The following TET1 variants were observed in gnomAD, a reference collection of about 807,000 sequenced individuals.
TET1 encodes methylcytosine dioxygenase TET1.
In TET1, 13 loss-of-function variants were observed where a neutral mutation model predicts 148.7. That is an observed-to-expected ratio of 0.09 (90% CI 0.06 to 0.14). The LOEUF (loss-of-function observed/expected upper bound fraction) is 0.14. TET1 is among the 10% of genes least tolerant of loss of function. The pLI, the probability that TET1 is intolerant of heterozygous loss-of-function variation, is 1.00. For synonymous variants in TET1, 907 were observed against 937.2 expected (o/e 0.97, Z 0.59); for missense variants, 2,182 against 2,553.8 (o/e 0.85, Z 3.14).
At position 68,694,285 on chromosome 10, in the gene TET1, C is replaced by T. The variant is rs996559421; in HGVS notation, c.*2471C>T. On this transcript the variant is annotated 3_prime_UTR_variant, in exon 12 of 12. Transcript: ENST00000373644. ...TAAGCTGATTACCCCACTGTGGGAA[C>T]CAAATTGGATTCCTACTTTGTTGGA... The T allele has an allele frequency of 8.6e-6, 2 of 232,674 alleles. No homozygotes were observed. Among genetic ancestry groups the T allele is most frequent in the South Asian group, 1.8e-4 (1 of 5,522 alleles). The allele number at this position is 232,674 out of a possible 1,614,324, so 14.4% of individuals were successfully genotyped here.
chr10:68,643,405 T>C (rs183485735), intron 3 of TET1, among the ~76,000 whole-genome samples: 131 of 152,276 alleles, frequency 8.6e-4, no homozygotes, highest in African/African-American at 3.0e-3. Flanking sequence ...GAACTTACTA[T>C]ACAGTGAGAA....
At chr10:68,652,802 C>A (rs1056761648) in intron 6 of TET1, among the ~76,000 whole-genome samples, 1 of 151,594 alleles carries the variant, frequency 6.6e-6, no homozygotes, top group African/African-American at 2.4e-5. Flanking sequence ...AATCTTTCCA[C>A]CTTAGCCTCC....
intron 2 of TET1, among the ~76,000 whole-genome samples, chr10:68,593,248 A>G (rs1027729825): frequency 6.6e-6 from 1 of 150,856 alleles, no homozygotes; most frequent in African/African-American, 2.4e-5. Context: ...AAAAAAAAAA[A>G]AAAAAAAAGA....
intron 2 of TET1, among the ~76,000 whole-genome samples, chr10:68,590,283 TTTTG>T (rs201199097): frequency 6.6e-6 from 1 of 151,638 alleles, no homozygotes; most frequent in Non-Finnish European, 1.5e-5. Context: ...CGGCTAGTGT[TTTTG>T]TTTGTTTGTT....
chr10:68,622,932 T>G (rs1160018199), intron 3 of TET1, among the ~76,000 whole-genome samples: 1 of 152,082 alleles, frequency 6.6e-6, no homozygotes, highest in Non-Finnish European at 1.5e-5. Flanking sequence ...GGATATGCAT[T>G]TTTGGCAATA....
At chr10:68,602,195 T>C (rs2054065224) in intron 3 of TET1, among the ~76,000 whole-genome samples, 1 of 152,206 alleles carries the variant, frequency 6.6e-6, no homozygotes, top group Non-Finnish European at 1.5e-5. Context: ...ATGAATGAAA[T>C]TGCTTGACAC....
intron 11 of TET1, 53 bp from the exon 12 acceptor site, chr10:68,690,755 A>G: frequency 1.3e-6 from 2 of 1,505,382 alleles, no homozygotes; most frequent in Admixed American, 2.2e-5. Flanking sequence ...TTAAAAGGCA[A>G]CCCCTACCAA....
At chr10:68,586,164 A>T (rs896003269) in intron 2 of TET1, among the ~76,000 whole-genome samples, 3 of 151,902 alleles carry the variant, frequency 2.0e-5, no homozygotes, top group African/African-American at 4.8e-5. Context: ...GTGTGCCACT[A>T]TGCCTGGTTT....
At chr10:68,575,623 A>T (rs2053720168) in intron 2 of TET1, among the ~76,000 whole-genome samples, 1 of 151,688 alleles carries the variant, frequency 6.6e-6, no homozygotes, top group Non-Finnish European at 1.5e-5. Context: ...AATCGCTTGA[A>T]CCCGGGAGGC....
intron 2 of TET1, among the ~76,000 whole-genome samples, chr10:68,578,792 C>T (rs924472681): frequency 2.0e-5 from 3 of 151,984 alleles, no homozygotes; most frequent in Non-Finnish European, 4.4e-5. Context: ...TTGCCAATTT[C>T]TGGTCTAACT....
chr10:68,593,681 C>T (rs981896848), intron 2 of TET1, among the ~76,000 whole-genome samples: 7 of 151,892 alleles, frequency 4.6e-5, no homozygotes, highest in East Asian at 1.9e-4. Flanking sequence ...GGTGCGATCT[C>T]GGCTCACTGC....
intron 2 of TET1, 90 bp downstream of exon 2, chr10:68,574,342 A>G (rs571185894): frequency 3.0e-5 from 30 of 1,006,934 alleles, no homozygotes; most frequent in Non-Finnish European, 4.0e-5. Context: ...TAGTGTCTCT[A>G]TGTAATAGTG....
At chr10:68,616,298 C>T (rs1396572652) in intron 3 of TET1, among the ~76,000 whole-genome samples, 1 of 150,720 alleles carries the variant, frequency 6.6e-6, no homozygotes, top group African/African-American at 2.4e-5. Context: ...ATTTTCCAAG[C>T]GTACAGGTCA....
At chr10:68,567,559 G>T (rs1472460602) in intron 1 of TET1, among the ~76,000 whole-genome samples, 1 of 151,848 alleles carries the variant, frequency 6.6e-6, no homozygotes, top group African/African-American at 2.4e-5. Context: ...CTCCAATAGT[G>T]CTGGGATTAC....
intron 3 of TET1, among the ~76,000 whole-genome samples, chr10:68,603,212 T>C (rs2054080910): frequency 6.6e-6 from 1 of 152,258 alleles, no homozygotes; most frequent in African/African-American, 2.4e-5. Flanking sequence ...TTTAGTCTGC[T>C]TCCTTTGACT....
At chr10:68,589,906 A>C (rs1249416691) in intron 2 of TET1, among the ~76,000 whole-genome samples, 2 of 152,026 alleles carry the variant, frequency 1.3e-5, no homozygotes, top group African/African-American at 4.8e-5. Flanking sequence ...TCCTGGCCTC[A>C]AGCCTTCTGC....
At chr10:68,605,680 T>G (rs1001044930) in intron 3 of TET1, among the ~76,000 whole-genome samples, 1 of 152,072 alleles carries the variant, frequency 6.6e-6, no homozygotes, top group African/African-American at 2.4e-5. Context: ...GCCCAGCTAA[T>G]TTTTTTGTAT....
intron 7 of TET1, among the ~76,000 whole-genome samples, chr10:68,669,249 C>CTG (rs1178345735): frequency 2.1e-4 from 8 of 38,364 alleles, no homozygotes; most frequent in South Asian, 1.7e-3. Context: ...TCACCACCCC[C>CTG]CACAAAAAAA....
At position 68,681,396 on chromosome 10, in the gene TET1, T is replaced by C; in HGVS notation, c.4825-3T>C. 2 of 1,608,212 alleles carry C rather than the reference T, an allele frequency of 1.2e-6. No individual in the cohort carries two copies. Among genetic ancestry groups the C allele is most frequent in the East Asian group, 2.2e-5 (1 of 44,778 alleles). On this transcript the variant is annotated splice_polypyrimidine_tract_variant and splice_region_variant and intron_variant, in intron 8 of 11. Transcript: ENST00000373644. ...ATACCTAATGGATTCTGTTTTCCTA[T>C]AGGAAAAAAACCTTGAAGATAACTT...
Sources: allele counts gnomAD v4.1 joint callset (sites outside exome capture counted in the v4.1 genomes callset), GRCh38; gene constraint gnomAD v4.1.1; transcripts MANE v1.5; gene names NCBI Gene and HGNC (gene_info 2026-07-23, HGNC 2026-07-21).